The following NDFIP2 variants were observed in gnomAD, a reference collection of about 807,000 sequenced individuals.
NDFIP2 encodes Nedd4 family interacting protein 2, also known as NEDD4 family-interacting protein 2.
In NDFIP2, 19 loss-of-function variants were observed where a neutral mutation model predicts 36.0. The ratio of observed to expected loss-of-function variants is 0.53; its 90% CI spans 0.37 to 0.77. NDFIP2 has a LOEUF of 0.77. NDFIP2 is among the 30% of genes least tolerant of loss of function. NDFIP2 has a pLI of 0.00. For synonymous variants in NDFIP2, 181 were observed against 167.7 expected (o/e 1.08, Z -0.61); for missense variants, 446 against 435.8 (o/e 1.02, Z -0.21).
chr13:79,545,841 A>G (rs371243739), intron 5 of NDFIP2, among the ~76,000 whole-genome samples: 22 of 152,230 alleles, frequency 1.4e-4, no homozygotes, highest in Admixed American at 5.9e-4. Context: ...GGTTCAAGCA[A>G]TTCTCCTGCC....
At chr13:79,518,416 C>A (rs1025138266) in intron 1 of NDFIP2, among the ~76,000 whole-genome samples, 2 of 152,124 alleles carry the variant, frequency 1.3e-5, no homozygotes, top group South Asian at 2.1e-4. Context: ...ATAATACATT[C>A]ACTATCTCAC....
At chr13:79,493,708 A>T (rs75865827) in intron 1 of NDFIP2, among the ~76,000 whole-genome samples, 1 of 152,178 alleles carries the variant, frequency 6.6e-6, no homozygotes, top group East Asian at 1.9e-4. Context: ...TAAAACCTTT[A>T]TGATAGCTAA....
intron 4 of NDFIP2, among the ~76,000 whole-genome samples, chr13:79,540,215 A>G (rs1378039073): frequency 1.3e-5 from 2 of 152,234 alleles, no homozygotes; most frequent in Non-Finnish European, 2.9e-5. Flanking sequence ...GAACAGTGTC[A>G]CTTGGGACAG....
intron 1 of NDFIP2, among the ~76,000 whole-genome samples, chr13:79,501,076 A>G (rs1873647865): frequency 6.6e-6 from 1 of 152,060 alleles, no homozygotes; most frequent in South Asian, 2.1e-4. Flanking sequence ...AAAAGGCTGT[A>G]TACTATGTGA....
chr13:79,499,423 A>G (rs1873570686), intron 1 of NDFIP2, among the ~76,000 whole-genome samples: 1 of 152,010 alleles, frequency 6.6e-6, no homozygotes, highest in African/African-American at 2.4e-5. Context: ...TTGGGAAGGA[A>G]GAAATAGAAT....
intron 6 of NDFIP2, among the ~76,000 whole-genome samples, chr13:79,549,334 G>A (rs1875811591): frequency 6.6e-6 from 1 of 151,848 alleles, no homozygotes; most frequent in Non-Finnish European, 1.5e-5. Context: ...GTTCTTTATT[G>A]AGTTTCTTAC....
At chr13:79,485,607 T>C (rs368985463) in intron 1 of NDFIP2, among the ~76,000 whole-genome samples, 1 of 152,226 alleles carries the variant, frequency 6.6e-6, no homozygotes, top group Admixed American at 6.5e-5. Context: ...CAGTATACTT[T>C]ATCTGGCTTA....
At chr13:79,544,895 A>G (rs1265663463) in intron 5 of NDFIP2, among the ~76,000 whole-genome samples, 1 of 152,072 alleles carries the variant, frequency 6.6e-6, no homozygotes, top group Non-Finnish European at 1.5e-5. Flanking sequence ...GGACCTATGG[A>G]CTGGTTTCTT....
intron 3 of NDFIP2, 93 bp from the exon 4 acceptor site, chr13:79,539,589 A>T (rs1875378713): frequency 1.0e-6 from 1 of 963,026 alleles, no homozygotes; most frequent in Non-Finnish European, 1.6e-6. Flanking sequence ...CAACAAATTG[A>T]GAACATTAGA....
intron 3 of NDFIP2, among the ~76,000 whole-genome samples, chr13:79,536,883 C>T (rs141688577): frequency 3.2e-4 from 49 of 151,762 alleles, no homozygotes; most frequent in Admixed American, 8.5e-4. Flanking sequence ...AAAAAATCAG[C>T]TAGGTGTGGT....
chr13:79,507,934 A>G (rs1336022065), intron 1 of NDFIP2, among the ~76,000 whole-genome samples: 1 of 151,846 alleles, frequency 6.6e-6, no homozygotes, highest in Non-Finnish European at 1.5e-5. Context: ...CATTTTTGTG[A>G]ATGTTTTTCT....
intron 1 of NDFIP2, among the ~76,000 whole-genome samples, chr13:79,519,987 G>T (rs946571796): frequency 5.3e-5 from 8 of 150,056 alleles, no homozygotes; most frequent in African/African-American, 1.9e-4. Context: ...TTTTAGTAGA[G>T]ATAGGGCTTC....
intron 1 of NDFIP2, among the ~76,000 whole-genome samples, chr13:79,503,780 A>T (rs966236501): frequency 2.6e-5 from 4 of 152,178 alleles, no homozygotes; most frequent in Non-Finnish European, 4.4e-5. Context: ...GAGCTGGCTT[A>T]TAAATCTTAC....
chr13:79,485,534 TGTC>T (rs1261397289), intron 1 of NDFIP2, among the ~76,000 whole-genome samples: 5 of 152,234 alleles, frequency 3.3e-5, no homozygotes, highest in African/African-American at 1.2e-4. Flanking sequence ...ACTCTCTAGT[TGTC>T]ACCTTTTCTT....
At chr13:79,490,908 T>C (rs1215347024) in intron 1 of NDFIP2, among the ~76,000 whole-genome samples, 1 of 152,196 alleles carries the variant, frequency 6.6e-6, no homozygotes, top group African/African-American at 2.4e-5. Flanking sequence ...TAATACTCCC[T>C]GTGAGAGTGT....
At chr13:79,507,187 T>G (rs910848465) in intron 1 of NDFIP2, among the ~76,000 whole-genome samples, 3 of 151,578 alleles carry the variant, frequency 2.0e-5, no homozygotes, top group African/African-American at 7.3e-5. Flanking sequence ...TAACCTTAGT[T>G]CTATATTTAA....
intron 1 of NDFIP2, among the ~76,000 whole-genome samples, chr13:79,491,897 C>A (rs117556906): frequency 6.6e-6 from 1 of 152,158 alleles, no homozygotes; most frequent in African/African-American, 2.4e-5. Context: ...TTGTTAAAGA[C>A]GTGCCAAATG....
intron 3 of NDFIP2, among the ~76,000 whole-genome samples, chr13:79,536,164 A>G (rs945287406): frequency 3.9e-5 from 6 of 152,244 alleles, no homozygotes; most frequent in African/African-American, 1.2e-4. Context: ...TCTATGAAAA[A>G]TGCTAATTCC....
In NDFIP2 at chr13:79,531,156, A is replaced by G. The variant is rs538438811; in HGVS notation, c.488-2167A>G. ...TTGTACATCTCCTTCAGAGGTCTTG[A>G]GTGACCAGGTGCATTGTCAGTGAGC... On this transcript the variant is annotated intron_variant, in intron 2 of 7. Coordinates refer to ENST00000218652, the MANE Select transcript of NDFIP2 (RefSeq NM_019080.3). Among the ~76,000 whole-genome samples the G allele has an allele frequency of 2.6e-5, 4 of 152,328 alleles. No individual in the cohort carries two copies. In the South Asian group the frequency reaches 8.3e-4, roughly 32 times the overall value.
Sources: allele counts gnomAD v4.1 joint callset (sites outside exome capture counted in the v4.1 genomes callset), GRCh38; gene constraint gnomAD v4.1.1; transcripts MANE v1.5; gene names NCBI Gene and HGNC (gene_info 2026-07-23, HGNC 2026-07-21).